Variants in EGFR observed in about 807,000 individuals in gnomAD.
EGFR encodes epidermal growth factor receptor, also known as avian erythroblastic leukemia viral (v-erb-b) oncogene homolog.
EGFR carries 58 observed loss-of-function variants against 143.0 expected under a neutral mutation model. That is an observed-to-expected ratio of 0.41 (90% confidence interval 0.33 to 0.50). The LOEUF is 0.50. Ranked by LOEUF, EGFR falls within the 20% of genes least tolerant of loss-of-function variation. The probability of loss-of-function intolerance (pLI) is 0.39; values close to 1 mark genes in which losing one functional copy is unlikely to be tolerated. For missense variants in EGFR, 1,307 were observed against 1,579.0 expected (o/e 0.83, Z 2.92); for synonymous variants, 613 against 594.4 (o/e 1.03, Z -0.45).
chr7:55,189,314 C>A (rs796991903), intron 20 of EGFR, among the ~76,000 whole-genome samples: 11 of 152,252 alleles, frequency 7.2e-5, no homozygotes, highest in African/African-American at 2.6e-4. Flanking sequence ...GGTCATCTAA[C>A]GAGGTGGTCG....
intron 22 of EGFR, among the ~76,000 whole-genome samples, chr7:55,193,461 G>A (rs566686502): frequency 4.6e-5 from 7 of 152,232 alleles, no homozygotes; most frequent in Admixed American, 3.3e-4. Flanking sequence ...CTCCTCACCC[G>A]GCCCTAGGTC....
intron 1 of EGFR, among the ~76,000 whole-genome samples, chr7:55,103,306 A>C (rs1791929829): frequency 6.6e-6 from 1 of 152,178 alleles, no homozygotes; most frequent in Non-Finnish European, 1.5e-5. Flanking sequence ...TAATACATGG[A>C]AAGGGATTTG....
chr7:55,174,068 GGGCT>G, intron 18 of EGFR, 25 bp downstream of exon 18: 1 of 1,614,074 alleles, frequency 6.2e-7, no homozygotes, highest in Non-Finnish European at 8.5e-7. Context: ...ACAGGCCTCT[GGGCT>G]GGGCCGCAGG....
At chr7:55,135,846 T>C (rs1415477437) in intron 1 of EGFR, among the ~76,000 whole-genome samples, 2 of 144,202 alleles carry the variant, frequency 1.4e-5, no homozygotes, top group East Asian at 3.8e-4. Context: ...AAGGAATGTA[T>C]TTTTTAAGAT....
chr7:55,110,572 G>C (rs534177217), intron 1 of EGFR, among the ~76,000 whole-genome samples: 1 of 152,328 alleles, frequency 6.6e-6, no homozygotes, highest in South Asian at 2.1e-4. Context: ...ATTATTTATA[G>C]CTCAATTAGC....
intron 1 of EGFR, among the ~76,000 whole-genome samples, chr7:55,061,168 T>G (rs1044557335): frequency 2.0e-5 from 3 of 152,228 alleles, no homozygotes; most frequent in African/African-American, 7.2e-5. Flanking sequence ...ATTCCTTTTA[T>G]GTAATTGGCC....
rs1412505666 is a variant in EGFR at position 55,067,957 on chromosome 7, TGTGTGTAC to T, written c.88+48607_88+48614del. ...ACGTGTGTATGCATGTATATGGGTA[TGTGTGTAC>T]GTGTGTACGTGTGTGTGCATGTGTG... On this transcript the variant is annotated intron_variant, in intron 1 of 27. Coordinates refer to ENST00000275493, the MANE Select transcript of EGFR (RefSeq NM_005228.5). 2.6e-5 allele frequency among the ~76,000 whole-genome samples: 4 copies of T among 151,246 alleles called. 1 individual carries two copies. Among genetic ancestry groups the T allele is most frequent in the Admixed American group, 6.6e-5 (1 of 15,248 alleles).
At chr7:55,125,327 G>A (rs1323876706) in intron 1 of EGFR, among the ~76,000 whole-genome samples, 1 of 152,214 alleles carries the variant, frequency 6.6e-6, no homozygotes, top group African/African-American at 2.4e-5. Flanking sequence ...ATGCAACATT[G>A]AAACCACATG....
intron 1 of EGFR, among the ~76,000 whole-genome samples, chr7:55,070,364 T>A (rs1402835284): frequency 6.6e-6 from 1 of 152,208 alleles, no homozygotes; most frequent in Non-Finnish European, 1.5e-5. Flanking sequence ...AATCACTAAC[T>A]TTCATGCCTC....
chr7:55,021,671 G>A (rs1203742456), intron 1 of EGFR, among the ~76,000 whole-genome samples: 1 of 152,124 alleles, frequency 6.6e-6, no homozygotes, highest in African/African-American at 2.4e-5. Context: ...CAAATTCAGT[G>A]GATTTTATTC....
At chr7:55,159,998 G>T in intron 11 of EGFR, 141 bp from the exon 12 acceptor site, 1 of 843,006 alleles carries the variant, frequency 1.2e-6, no homozygotes, top group Non-Finnish European at 1.9e-6. Flanking sequence ...AAAAGGTGCA[G>T]TGTGTGCCTC....
chr7:55,205,659 G>C lies in EGFR; in HGVS notation c.*42G>C, dbSNP rs201214891. 9 of 1,613,592 alleles carry C rather than the reference G, an allele frequency of 5.6e-6. No individual in the cohort carries two copies. The African/African-American group carries it at 1.1e-4, about 19-fold the overall frequency. ...GAGCCCTAAAAATCCAGACTCTTTCGATACCCAGGACCAAGCCACAGCAGG... is the reference window on the plus strand; with the variant it reads ...GAGCCCTAAAAATCCAGACTCTTTCCATACCCAGGACCAAGCCACAGCAGG... On this transcript the variant is annotated 3_prime_UTR_variant, in exon 28 of 28. Transcript: ENST00000275493.
chr7:55,178,594 C>T (rs1786710988), intron 19 of EGFR, among the ~76,000 whole-genome samples: 1 of 152,222 alleles, frequency 6.6e-6, no homozygotes, highest in Non-Finnish European at 1.5e-5. Flanking sequence ...TCAGCCTCAG[C>T]TTACCCTCTG....
chr7:55,030,888 T>C (rs1787206895), intron 1 of EGFR, among the ~76,000 whole-genome samples: 1 of 152,248 alleles, frequency 6.6e-6, no homozygotes, highest in African/African-American at 2.4e-5. Flanking sequence ...GGAGGCACTT[T>C]CTGGGTTGAA....
At chr7:55,061,494 C>T (rs1223783375) in intron 1 of EGFR, among the ~76,000 whole-genome samples, 1 of 152,158 alleles carries the variant, frequency 6.6e-6, no homozygotes, top group African/African-American at 2.4e-5. Flanking sequence ...CAGCTCTCCT[C>T]GTCTCACACC....
chr7:55,021,274 G>A (rs1786551576), intron 1 of EGFR, among the ~76,000 whole-genome samples: 1 of 152,172 alleles, frequency 6.6e-6, no homozygotes, highest in Non-Finnish European at 1.5e-5. Context: ...GGCCTGCTCC[G>A]GAGACTGCTG....
In EGFR at chr7:55,207,424, T is replaced by C. The variant is rs1168436627; in HGVS notation, c.*1807T>C. 1 of 199,412 alleles carries C rather than the reference T, an allele frequency of 5.0e-6. No individual in the cohort carries two copies. Among genetic ancestry groups the C allele is most frequent in the East Asian group, 7.8e-5 (1 of 12,814 alleles). The allele number at this position is 199,412 out of a possible 1,614,324, so 12.4% of individuals were successfully genotyped here. A position where few individuals can be genotyped will look rare whatever the true frequency, so the allele number is the denominator to read the frequency against. ...AGATAAATAAAACATAGTCCCTGATTCTAAGAAATTCACAATTTAGCAAAG... is the reference window on the plus strand; with the variant it reads ...AGATAAATAAAACATAGTCCCTGATCCTAAGAAATTCACAATTTAGCAAAG... On this transcript the variant is annotated 3_prime_UTR_variant, in exon 28 of 28. Transcript: ENST00000275493.
At chr7:55,172,150 C>G (rs1312893394) in intron 16 of EGFR, among the ~76,000 whole-genome samples, 1 of 152,238 alleles carries the variant, frequency 6.6e-6, no homozygotes, top group Non-Finnish European at 1.5e-5. Context: ...ATGTCTCCAC[C>G]TGGAAACCAG....
intron 1 of EGFR, among the ~76,000 whole-genome samples, chr7:55,126,015 G>A (rs74995732): frequency 0.045 from 6,859 of 152,160 alleles, 177 homozygotes; most frequent in South Asian, 0.059. Flanking sequence ...GCCTTTCACA[G>A]TCCCTCTCCT....
Sources: gnomAD v4.1 joint callset for allele counts (sites outside exome capture counted in the v4.1 genomes callset) on GRCh38, gnomAD v4.1.1 for gene constraint, MANE v1.5 for transcripts, NCBI Gene and HGNC (gene_info 2026-07-23, HGNC 2026-07-21) for gene names.